The following AOPEP variants were observed in gnomAD, a reference collection of about 807,000 sequenced individuals.
AOPEP encodes aminopeptidase O.
In AOPEP, 77 loss-of-function variants were observed where a neutral mutation model predicts 98.1. The ratio of observed to expected loss-of-function variants is 0.78; its 90% confidence interval spans 0.65 to 0.95. The LOEUF is 0.95. Ranked by LOEUF, AOPEP falls within the 40% of genes least tolerant of loss-of-function variation. The probability of loss-of-function intolerance (pLI) is 0.00; values close to 1 mark genes in which losing one functional copy is unlikely to be tolerated. For synonymous variants in AOPEP, 346 were observed against 365.3 expected, an observed-to-expected ratio of 0.95 and a Z score of 0.60; for missense variants, 1,024 against 1,024.7, an observed-to-expected ratio of 1.00 and a Z score of 0.01.
Position 95,086,677 on chromosome 9 carries a change from T to C in AOPEP, c.*5-5T>C. ...TAATCAATGTTACTGCTGTTTCCTTTGCAGGAAAGACCACAGCAAGATTCT... is the reference window on the plus strand; with the variant it reads ...TAATCAATGTTACTGCTGTTTCCTTCGCAGGAAAGACCACAGCAAGATTCT... On this transcript the variant is annotated splice_polypyrimidine_tract_variant and splice_region_variant and intron_variant, in intron 16 of 16. Transcript: ENST00000375315. 1.0e-6 allele frequency: 1 copy of C among 988,162 alleles called. No homozygotes were observed. The highest frequency in any genetic ancestry group is 1.2e-6 in the Non-Finnish European group (1 of 830,732). 61.2% of individuals were successfully genotyped at this position (988,162 alleles called of 1,614,324 possible).
At chr9:94,823,867 G>A (rs12000429) in intron 5 of AOPEP, among the ~76,000 whole-genome samples, 4,696 of 152,276 alleles carry the variant, frequency 0.031, 117 homozygotes, top group Non-Finnish European at 0.045. Flanking sequence ...CTTTGTGGAA[G>A]CCATGCCTTT....
chr9:94,802,501 A>C (rs1372457454), intron 5 of AOPEP, among the ~76,000 whole-genome samples: 1 of 152,132 alleles, frequency 6.6e-6, no homozygotes, highest in Admixed American at 6.5e-5. Flanking sequence ...TCTCTTTTCA[A>C]GTTTGCATGC....
chr9:94,779,613 A>G (rs925528719), intron 3 of AOPEP, among the ~76,000 whole-genome samples: 44 of 152,102 alleles, frequency 2.9e-4, no homozygotes, highest in African/African-American at 1.0e-3. Flanking sequence ...AATGAAATGC[A>G]GATCAAACTA....
intron 13 of AOPEP, among the ~76,000 whole-genome samples, chr9:95,042,268 C>T (rs989058295): frequency 6.7e-6 from 1 of 148,488 alleles, no homozygotes; most frequent in Non-Finnish European, 1.5e-5. Flanking sequence ...GCCGAGATTG[C>T]GCCACTGCAC....
At chr9:95,017,063 A>G (rs989377898) in intron 13 of AOPEP, among the ~76,000 whole-genome samples, 2 of 151,700 alleles carry the variant, frequency 1.3e-5, no homozygotes, top group Non-Finnish European at 2.9e-5. Flanking sequence ...TTGGTGTCCA[A>G]GAGGAGAAAA....
intron 7 of AOPEP, among the ~76,000 whole-genome samples, chr9:94,941,746 G>T (rs544772745): frequency 2.0e-4 from 31 of 152,202 alleles, no homozygotes; most frequent in Admixed American, 9.8e-4. Flanking sequence ...AAGGGGGAGA[G>T]AATTCTCCAT....
At chr9:94,927,304 C>T (rs561263651) in intron 6 of AOPEP, among the ~76,000 whole-genome samples, 19 of 152,264 alleles carry the variant, frequency 1.2e-4, no homozygotes, top group Admixed American at 7.8e-4. Context: ...ACAGTCACAC[C>T]GGGGTAAGGC....
At chr9:95,086,535 G>A (rs559365107) in intron 16 of AOPEP, 147 bp from the exon 17 acceptor site, 38 of 1,011,646 alleles carry the variant, frequency 3.8e-5, no homozygotes, top group East Asian at 2.0e-4. Flanking sequence ...GACCCGTCCC[G>A]GAGACTGAAA....
At chr9:94,743,590 GT>G (rs918418282) in intron 1 of AOPEP, among the ~76,000 whole-genome samples, 3 of 152,164 alleles carry the variant, frequency 2.0e-5, no homozygotes, top group African/African-American at 7.2e-5. Context: ...TTTTGTTATT[GT>G]TTTTTCCAAT....
chr9:95,055,878 A>G (rs1218503399), intron 13 of AOPEP, among the ~76,000 whole-genome samples: 1 of 143,278 alleles, frequency 7.0e-6, no homozygotes, highest in East Asian at 2.0e-4. Context: ...GATTTCCCCC[A>G]CCCCCACCGT....
At chr9:95,059,297 C>T (rs991834540) in intron 13 of AOPEP, among the ~76,000 whole-genome samples, 4 of 152,250 alleles carry the variant, frequency 2.6e-5, no homozygotes, top group Admixed American at 1.3e-4. Context: ...TCAGATGAAG[C>T]GATGTCATGA....
At chr9:94,979,071 C>T (rs2060020126) in intron 10 of AOPEP, among the ~76,000 whole-genome samples, 1 of 152,176 alleles carries the variant, frequency 6.6e-6, no homozygotes, top group South Asian at 2.1e-4. Flanking sequence ...ATGCCTTATC[C>T]TCCCGAAACT....
chr9:94,948,065 TTCTCTC>T (rs1564431475), intron 7 of AOPEP, among the ~76,000 whole-genome samples: 1 of 152,242 alleles, frequency 6.6e-6, no homozygotes, highest in Non-Finnish European at 1.5e-5. Context: ...TAAAAACTCT[TTCTCTC>T]TATTAGATAT....
At chr9:95,037,316 A>G (rs1271040467) in intron 13 of AOPEP, among the ~76,000 whole-genome samples, 1 of 152,156 alleles carries the variant, frequency 6.6e-6, no homozygotes, top group African/African-American at 2.4e-5. Flanking sequence ...TATTTCAGCC[A>G]GAAAACTGAT....
the AOPEP span, among the ~76,000 whole-genome samples, chr9:95,111,846 C>A: frequency 6.6e-6 from 1 of 152,166 alleles, no homozygotes; most frequent in Non-Finnish European, 1.5e-5. Context: ...CCTCTCAGGA[C>A]CCCCGTGAGG....
At chr9:95,008,510 A>G (rs1015126425) in intron 13 of AOPEP, among the ~76,000 whole-genome samples, 28 of 152,194 alleles carry the variant, frequency 1.8e-4, no homozygotes, top group African/African-American at 6.3e-4. Flanking sequence ...GAAGGTGCTG[A>G]GTAGTAGGCA....
chr9:95,026,025 T>C (rs1220298836), intron 13 of AOPEP, among the ~76,000 whole-genome samples: 1 of 152,216 alleles, frequency 6.6e-6, no homozygotes, highest in Non-Finnish European at 1.5e-5. Context: ...CCGTGTTCCT[T>C]TATTATCTTT....
chr9:94,991,951 A>G (rs1431805295), intron 11 of AOPEP, among the ~76,000 whole-genome samples: 2 of 152,076 alleles, frequency 1.3e-5, no homozygotes, highest in Non-Finnish European at 2.9e-5. Flanking sequence ...TGAGATGGAA[A>G]CTAAATTACA....
At chr9:94,822,901 A>G (rs1488785325) in intron 5 of AOPEP, among the ~76,000 whole-genome samples, 3 of 152,156 alleles carry the variant, frequency 2.0e-5, no homozygotes, top group African/African-American at 7.2e-5. Flanking sequence ...CCTAAGTGAT[A>G]GTGCCGAAAT....
Sources: gnomAD v4.1 joint callset for allele counts (sites outside exome capture counted in the v4.1 genomes callset) on GRCh38, gnomAD v4.1.1 for gene constraint, MANE v1.5 for transcripts, NCBI Gene and HGNC (gene_info 2026-07-23, HGNC 2026-07-21) for gene names.